Variants in ATG10 observed in about 807,000 individuals in gnomAD.
ATG10 encodes ubiquitin-like-conjugating enzyme ATG10.
In ATG10, 30 loss-of-function variants were observed where a neutral mutation model predicts 32.1. The ratio of observed to expected loss-of-function variants is 0.94; its 90% CI spans 0.70 to 1.27. The LOEUF (loss-of-function observed/expected upper bound fraction) is 1.27. Ranked by LOEUF, ATG10 falls within the 50% of genes most tolerant of loss-of-function variation. The probability of loss-of-function intolerance (pLI) is 0.00; values close to 1 mark genes in which losing one functional copy is unlikely to be tolerated. For missense variants in ATG10, 233 were observed against 262.3 expected (o/e 0.89, Z 0.77); for synonymous variants, 87 against 91.5 (o/e 0.95, Z 0.28).
intron 1 of ATG10, among the ~76,000 whole-genome samples, chr5:81,972,822 A>G (rs957719632): frequency 6.6e-6 from 1 of 152,154 alleles, no homozygotes; most frequent in African/African-American, 2.4e-5. Flanking sequence ...CCGGAGAATG[A>G]TAAAGGAATA....
rs546191652 is a variant in ATG10 at position 82,156,205 on chromosome 5, C to T, written c.217-8194C>T. ...AGATGAGCAGCTAGTGAAGGCAAAC[C>T]GGTTTATGGCATAATTCTGGGTCTT... On this transcript the variant is annotated intron_variant, in intron 3 of 7. Coordinates refer to ENST00000282185, the MANE Select transcript of ATG10 (RefSeq NM_031482.5). 6.6e-5 allele frequency among the ~76,000 whole-genome samples: 10 copies of T among 151,422 alleles called. 1 individual carries two copies. In the South Asian group the frequency reaches 1.0e-3, roughly 16 times the overall value.
intron 5 of ATG10, among the ~76,000 whole-genome samples, chr5:82,234,904 G>T (rs1002633616): frequency 2.0e-5 from 3 of 152,158 alleles, no homozygotes; most frequent in African/African-American, 7.2e-5. Flanking sequence ...TATTACTGGA[G>T]AAAAATGCAG....
intron 5 of ATG10, among the ~76,000 whole-genome samples, chr5:82,206,909 A>C (rs1200325728): frequency 6.6e-6 from 1 of 152,072 alleles, no homozygotes; most frequent in East Asian, 1.9e-4. Flanking sequence ...TATTCTTTTA[A>C]TTCTGGTTAC....
intron 3 of ATG10, chr5:82,111,510 G>A (rs1765621544): frequency 6.6e-6 from 1 of 151,910 alleles, no homozygotes; most frequent in South Asian, 2.1e-4. Flanking sequence ...TGGACTGATG[G>A]TTCTCAGTTT....
intron 5 of ATG10, among the ~76,000 whole-genome samples, chr5:82,216,439 AT>A (rs1745682872): frequency 6.6e-6 from 1 of 152,220 alleles, no homozygotes; most frequent in Non-Finnish European, 1.5e-5. Context: ...ACTTTGATAG[AT>A]TCTTTAATGA....
At chr5:82,100,398 C>CTGACA in intron 3 of ATG10, among the ~76,000 whole-genome samples, 1 of 152,102 alleles carries the variant, frequency 6.6e-6, no homozygotes, top group South Asian at 2.1e-4. Flanking sequence ...GCATACGTAC[C>CTGACA]CATCTTCACT....
chr5:82,014,066 C>T (rs1276639868), intron 2 of ATG10, among the ~76,000 whole-genome samples: 2 of 152,142 alleles, frequency 1.3e-5, no homozygotes, highest in Admixed American at 1.3e-4. Flanking sequence ...ATCTTTATTT[C>T]TGCCTTCATT....
At chr5:82,095,048 T>C (rs1765008416) in intron 3 of ATG10, among the ~76,000 whole-genome samples, 1 of 152,218 alleles carries the variant, frequency 6.6e-6, no homozygotes, top group African/African-American at 2.4e-5. Context: ...ATAGTGAGCA[T>C]GTATAGCTTT....
intron 3 of ATG10, among the ~76,000 whole-genome samples, chr5:82,068,878 A>G (rs955844911): frequency 6.6e-6 from 1 of 150,780 alleles, no homozygotes; most frequent in Non-Finnish European, 1.5e-5. Context: ...ATCTAAAATA[A>G]ATGAAAGTGA....
chr5:82,144,818 G>A (rs1386020180), intron 3 of ATG10, among the ~76,000 whole-genome samples: 1 of 151,984 alleles, frequency 6.6e-6, no homozygotes, highest in Non-Finnish European at 1.5e-5. Flanking sequence ...TGTTAATTAG[G>A]TCATAAGTCC....
At chr5:82,060,828 G>A (rs1744210232) in intron 3 of ATG10, among the ~76,000 whole-genome samples, 2 of 151,856 alleles carry the variant, frequency 1.3e-5, no homozygotes, top group Non-Finnish European at 2.9e-5. Flanking sequence ...ATCATTGGTG[G>A]GTGACAGAGT....
At chr5:82,155,223 A>G (rs1285813912) in intron 3 of ATG10, among the ~76,000 whole-genome samples, 1 of 152,216 alleles carries the variant, frequency 6.6e-6, no homozygotes, top group Non-Finnish European at 1.5e-5. Flanking sequence ...ATTGGATTTA[A>G]TTATCATTGT....
chr5:82,193,982 C>G (rs944220028), intron 5 of ATG10, among the ~76,000 whole-genome samples: 2 of 152,148 alleles, frequency 1.3e-5, no homozygotes, highest in African/African-American at 4.8e-5. Context: ...CAAGGCTGTC[C>G]CCACAGCTGT....
At chr5:82,003,513 C>T (rs1211007181) in intron 2 of ATG10, among the ~76,000 whole-genome samples, 1 of 152,090 alleles carries the variant, frequency 6.6e-6, no homozygotes, top group East Asian at 1.9e-4. Flanking sequence ...GTTAAAAGGA[C>T]CTAAGAATTA....
intron 3 of ATG10, among the ~76,000 whole-genome samples, chr5:82,142,972 T>A (rs894034116): frequency 3.3e-5 from 5 of 152,198 alleles, no homozygotes; most frequent in Non-Finnish European, 7.3e-5. Flanking sequence ...ATAATGACTT[T>A]AGTTTTTGTC....
At chr5:82,150,874 G>C (rs1446365122) in intron 3 of ATG10, among the ~76,000 whole-genome samples, 1 of 152,212 alleles carries the variant, frequency 6.6e-6, no homozygotes, top group East Asian at 1.9e-4. Context: ...ATCTTAGTAG[G>C]ATTAATATAT....
At chr5:81,983,401 C>T (rs1427051277) in intron 1 of ATG10, among the ~76,000 whole-genome samples, 30 of 143,284 alleles carry the variant, frequency 2.1e-4, no homozygotes, top group African/African-American at 7.6e-4. Flanking sequence ...GGTGGCTGGC[C>T]AGGCGGGGGG....
Position 82,237,824 on chromosome 5 carries a change from G to T in ATG10, c.454-14738G>T, listed in dbSNP as rs866779704. On this transcript the variant is annotated intron_variant, in intron 5 of 7. Transcript: ENST00000282185. ...GGTAGATGCCCTAATGGAGTATGGGGAGGAGAGAGGAGATACCAAATTTCA... is the reference window on the plus strand; with the variant it reads ...GGTAGATGCCCTAATGGAGTATGGGTAGGAGAGAGGAGATACCAAATTTCA... Among the ~76,000 whole-genome samples, 10 of 152,206 alleles carry T rather than the reference G, an allele frequency of 6.6e-5. 1 individual carries two copies. The highest frequency in any genetic ancestry group is 3.4e-3 in the Middle Eastern group (1 of 294).
intron 3 of ATG10, among the ~76,000 whole-genome samples, chr5:82,064,492 G>C (rs112850008): frequency 6.6e-6 from 1 of 152,004 alleles, no homozygotes; most frequent in Non-Finnish European, 1.5e-5. Context: ...CTTAGCTCCC[G>C]ATGTTTTTAT....
Sources: allele counts gnomAD v4.1 joint callset (sites outside exome capture counted in the v4.1 genomes callset), GRCh38; gene constraint gnomAD v4.1.1; transcripts MANE v1.5; gene names NCBI Gene and HGNC (gene_info 2026-07-23, HGNC 2026-07-21).